XKR6: variants seen among roughly 807,000 people sequenced by gnomAD.
The protein encoded by XKR6 is XK related 6.
In XKR6, 22 loss-of-function variants were observed where a neutral mutation model predicts 56.7. The ratio of observed to expected loss-of-function variants is 0.39; its 90% CI spans 0.28 to 0.55. XKR6 has a LOEUF of 0.55. Among genes scored for constraint, XKR6 ranks in the 20% least tolerant of loss-of-function variants. The pLI, the probability that XKR6 is intolerant of heterozygous loss-of-function variation, is 0.66. For missense variants in XKR6, 852 were observed against 889.0 expected (o/e 0.96, Z 0.53); for synonymous variants, 524 against 387.8 (o/e 1.35, Z -4.13).
At chr8:11,127,966 C>A (rs1169452850) in intron 1 of XKR6, among the ~76,000 whole-genome samples, 1 of 152,204 alleles carries the variant, frequency 6.6e-6, no homozygotes, top group East Asian at 1.9e-4. Flanking sequence ...GCATAGTTCA[C>A]ACTAAAATTA....
intron 1 of XKR6, among the ~76,000 whole-genome samples, chr8:10,999,301 G>T (rs1197735337): frequency 6.6e-6 from 1 of 152,168 alleles, no homozygotes; most frequent in Non-Finnish European, 1.5e-5. Flanking sequence ...TACTGCACAG[G>T]CATTCCAATT....
rs571577061 is a variant in XKR6 at position 11,103,928 on chromosome 8, T to C, written c.764+96648A>G. Reference sequence around the variant, plus strand: ...AGTAATGCCTTCCACTGTTGCGGAATTTAAAAGCCATTGCTGACAGCTGTC... The same window carrying C: ...AGTAATGCCTTCCACTGTTGCGGAACTTAAAAGCCATTGCTGACAGCTGTC... On this transcript the variant is annotated intron_variant, in intron 1 of 2. Coordinates refer to ENST00000416569, the MANE Select transcript of XKR6 (RefSeq NM_173683.4). 2.0e-5 allele frequency among the ~76,000 whole-genome samples: 3 copies of C among 152,334 alleles called. No homozygotes were observed. The South Asian group carries it at 6.2e-4, about 32-fold the overall frequency.
chr8:11,173,117 C>G (rs953034782), intron 1 of XKR6, among the ~76,000 whole-genome samples: 1 of 151,010 alleles, frequency 6.6e-6, no homozygotes, highest in Non-Finnish European at 1.5e-5. Flanking sequence ...GGGTGGATCA[C>G]GAGGTCAGGA....
intron 1 of XKR6, among the ~76,000 whole-genome samples, chr8:11,184,230 C>A (rs904329221): frequency 1.8e-4 from 28 of 152,212 alleles, no homozygotes; most frequent in African/African-American, 6.7e-4. Flanking sequence ...TACTTATTAG[C>A]CACACAGGTC....
chr8:11,094,466 A>G (rs1798205355), intron 1 of XKR6, among the ~76,000 whole-genome samples: 1 of 152,228 alleles, frequency 6.6e-6, no homozygotes, highest in Admixed American at 6.5e-5. Flanking sequence ...CTGGGAGTAC[A>G]GGCCAGAGCC....
chr8:11,200,387 C>T lies in XKR6; in HGVS notation c.764+189G>A, dbSNP rs1166270216. ...GGCCAACGGCAGGTCTCGGCCTCCC[C>T]GGGCCAAAGGCGTGGCCAGGGATCC... On this transcript the variant is annotated intron_variant, in intron 1 of 2. Coordinates refer to ENST00000416569, the MANE Select transcript of XKR6 (RefSeq NM_173683.4). The surrounding 1 kb of genome is among the most constrained non-coding windows in gnomAD (Gnocchi z 6.4). Among the ~76,000 whole-genome samples the T allele has an allele frequency of 2.6e-5, 4 of 152,210 alleles. No homozygotes were observed. The highest frequency in any genetic ancestry group is 2.9e-5 in the Non-Finnish European group (2 of 68,030).
intron 1 of XKR6, among the ~76,000 whole-genome samples, chr8:11,181,960 C>T (rs115683912): frequency 2.0e-5 from 3 of 152,266 alleles, no homozygotes; most frequent in African/African-American, 4.8e-5. Flanking sequence ...TCAAGCCACA[C>T]TCCCATCTCA....
At chr8:11,122,859 A>G (rs1799521628) in intron 1 of XKR6, among the ~76,000 whole-genome samples, 1 of 152,240 alleles carries the variant, frequency 6.6e-6, no homozygotes, top group African/African-American at 2.4e-5. Flanking sequence ...GGAAAACTAG[A>G]CAGGAAAAAG....
intron 1 of XKR6, among the ~76,000 whole-genome samples, chr8:11,050,624 A>G (rs765832343): frequency 4.1e-4 from 63 of 151,832 alleles, no homozygotes; most frequent in African/African-American, 1.4e-3. Flanking sequence ...CAGAAAAGCT[A>G]TGAAGAAAGA....
chr8:11,192,425 G>A (rs1274073182), intron 1 of XKR6, among the ~76,000 whole-genome samples: 2 of 152,126 alleles, frequency 1.3e-5, no homozygotes, highest in Non-Finnish European at 2.9e-5. Context: ...TGGGATTACA[G>A]ACGTGAGCCA....
At chr8:11,046,012 G>C (rs1021606487) in intron 1 of XKR6, among the ~76,000 whole-genome samples, 1 of 152,170 alleles carries the variant, frequency 6.6e-6, no homozygotes, top group South Asian at 2.1e-4. Flanking sequence ...TGCAGCTGCT[G>C]TAGAAAACAG....
At chr8:11,185,047 A>T (rs1803198651) in intron 1 of XKR6, among the ~76,000 whole-genome samples, 1 of 152,164 alleles carries the variant, frequency 6.6e-6, no homozygotes, top group African/African-American at 2.4e-5. Flanking sequence ...CCTCCCAGAC[A>T]AAGCTGGGCA....
chr8:10,963,565 C>T (rs573376285), intron 1 of XKR6, among the ~76,000 whole-genome samples: 6 of 149,170 alleles, frequency 4.0e-5, no homozygotes, highest in South Asian at 4.3e-4. Flanking sequence ...TTTTTGAGAT[C>T]GAGTCTCACT....
At chr8:11,092,019 G>C (rs1242661031) in intron 1 of XKR6, among the ~76,000 whole-genome samples, 1 of 152,162 alleles carries the variant, frequency 6.6e-6, no homozygotes, top group African/African-American at 2.4e-5. Context: ...AAGTAATCAA[G>C]TGTAACACAC....
At chr8:11,158,249 A>G (rs1325271536) in intron 1 of XKR6, among the ~76,000 whole-genome samples, 1 of 152,220 alleles carries the variant, frequency 6.6e-6, no homozygotes, top group Non-Finnish European at 1.5e-5. Flanking sequence ...GGTCTGAGCG[A>G]GATTATTATG....
intron 1 of XKR6, among the ~76,000 whole-genome samples, chr8:11,102,265 C>G (rs557350594): frequency 3.0e-4 from 46 of 152,284 alleles, no homozygotes; most frequent in Non-Finnish European, 4.1e-4. Flanking sequence ...CCCATGAGCT[C>G]TCCCATATTC....
intron 1 of XKR6, among the ~76,000 whole-genome samples, chr8:11,074,684 G>C (rs942780846): frequency 6.6e-6 from 1 of 152,190 alleles, no homozygotes; most frequent in Non-Finnish European, 1.5e-5. Context: ...CACAGTCCAA[G>C]GTGGGAGAGA....
chr8:11,200,217 G>T lies in XKR6; in HGVS notation c.764+359C>A, dbSNP rs1233673198. On this transcript the variant is annotated intron_variant, in intron 1 of 2. Transcript: ENST00000416569. This position sits in a 1 kb window ranked among gnomAD's most constrained non-coding sequence, Gnocchi z 6.4. Reference sequence around the variant, plus strand: ...AGGAGGGAAGGCTCCCCGGGGCCGCGAGCTGGGGTGCAGCCCAGGGCGCCC... The same window carrying T: ...AGGAGGGAAGGCTCCCCGGGGCCGCTAGCTGGGGTGCAGCCCAGGGCGCCC... Among the ~76,000 whole-genome samples, 1 of 152,220 alleles carries T rather than the reference G, an allele frequency of 6.6e-6. No individual in the cohort carries two copies. Among genetic ancestry groups the T allele is most frequent in the Non-Finnish European group, 1.5e-5 (1 of 68,038 alleles).
rs1380132440 is a variant in XKR6 at position 11,201,634 on chromosome 8, GTT to G, written c.-297_-296del. 6.6e-6 allele frequency among the ~76,000 whole-genome samples: 1 copy of G among 151,704 alleles called. No homozygotes were observed. Among genetic ancestry groups the G allele is most frequent in the Non-Finnish European group, 1.5e-5 (1 of 67,880 alleles). ...CAGCTGCTGGGCGGGGGACCGGGGG[GTT>G]CTCCCCGCCAGGGCTCCCCTTCCCC... On this transcript the variant is annotated 5_prime_UTR_variant, in exon 1 of 3. An upstream open reading frame in the 5' UTR loses its in-frame stop. Transcript: ENST00000416569.
Sources: allele counts gnomAD v4.1 joint callset (sites outside exome capture counted in the v4.1 genomes callset), GRCh38; gene constraint gnomAD v4.1.1; non-coding constraint Gnocchi (gnomAD v3.1); transcripts MANE v1.5; gene names NCBI Gene and HGNC (gene_info 2026-07-23, HGNC 2026-07-21).